The following ATG4C variants were observed in gnomAD, a reference collection of about 807,000 sequenced individuals.
ATG4C encodes the protein autophagy related 4C cysteine peptidase, also known as cysteine protease ATG4C.
A neutral mutation model predicts 57.6 loss-of-function variants in ATG4C; 56 were observed. The observed-to-expected ratio is 0.97, with a 90% CI of 0.78 to 1.21. The LOEUF (loss-of-function observed/expected upper bound fraction) is 1.21, where lower values mean the gene tolerates loss of function less well. Ranked by LOEUF, ATG4C falls within the 50% of genes most tolerant of loss-of-function variation. The pLI is 0.00. For missense variants in ATG4C, 595 were observed against 529.8 expected, an observed-to-expected ratio of 1.12 and a Z score of -1.21; for synonymous variants, 157 against 174.1, an observed-to-expected ratio of 0.90 and a Z score of 0.78.
At position 62,816,557 on chromosome 1, in the gene ATG4C, CG is replaced by C. The variant is rs771139565; in HGVS notation, c.161-17del. 20 of 1,558,460 alleles carry C rather than the reference CG, an allele frequency of 1.3e-5. No individual in the cohort carries two copies. Among genetic ancestry groups the C allele is most frequent in the Non-Finnish European group, 1.7e-5 (20 of 1,143,286 alleles). Reference sequence around the variant, plus strand: ...GACATTTCTCTGGTTATCTTTAGACCGTATGTTTATTTTTTAGATGAAGATA... The same window carrying C: ...GACATTTCTCTGGTTATCTTTAGACCTATGTTTATTTTTTAGATGAAGATA... On this transcript the variant is annotated splice_polypyrimidine_tract_variant and intron_variant, in intron 3 of 10. Transcript: ENST00000317868.
intron 1 of ATG4C, among the ~76,000 whole-genome samples, chr1:62,787,253 G>A (rs1557952583): frequency 6.6e-6 from 1 of 151,800 alleles, no homozygotes. Flanking sequence ...GGTTTTTTTG[G>A]TATCATTTTT....
chr1:62,810,440 A>G (rs1435616248), intron 3 of ATG4C, among the ~76,000 whole-genome samples: 1 of 152,182 alleles, frequency 6.6e-6, no homozygotes, highest in Non-Finnish European at 1.5e-5. Context: ...CTCATTTAAG[A>G]TATTTTAATG....
rs150686434 is a variant in ATG4C at position 62,821,147 on chromosome 1, T to C, written c.734T>C (p.Val245Ala). The C allele has an allele frequency of 6.3e-7, 1 of 1,599,726 alleles. No homozygotes were observed. The highest frequency in any genetic ancestry group is 8.5e-7 in the Non-Finnish European group (1 of 1,174,584). The change falls in exon 6 of 11, where the codon GTT (valine) becomes GCT (alanine). Residue 245 changes from valine to alanine, a missense_variant. Transcript: ENST00000317868. The part of the protein sequence containing the change: ...AVVAHILRKA[V>A]EEARHPDLQG... ...GCTTGTTATTTTCTCAGAAAAGCAG[T>C]TGAAGAAGCAAGGCATCCTGATTTA...
In ATG4C at chr1:62,816,606, A is replaced by G. The variant is rs200039871; in HGVS notation, c.192A>G (p.Gly64=). Residue 64 remains glycine, a synonymous_variant, in exon 4 of 11, where the codon GGA becomes GGG. Transcript: ENST00000317868. The stretch of plus-strand genomic sequence containing the variant: ...ATAAAACGTTACCTGCAGAGTCGGG[A>G]TGTACAATAGAGGATCACGTAATTG... ...DEDKTLPAES[G]CTIEDHVIAG... 6.8e-6 allele frequency: 11 copies of G among 1,613,060 alleles called. No homozygotes were observed. Among genetic ancestry groups the G allele is most frequent in the Non-Finnish European group, 8.5e-6 (10 of 1,179,518 alleles).
intron 10 of ATG4C, among the ~76,000 whole-genome samples, chr1:62,856,646 T>G (rs1252354338): frequency 6.6e-6 from 1 of 152,190 alleles, no homozygotes; most frequent in Non-Finnish European, 1.5e-5. Context: ...CAGTGCATGT[T>G]TGTGATCCTT....
At position 62,799,015 on chromosome 1, in the gene ATG4C, T is replaced by G. The variant is rs1220230911; in HGVS notation, c.-68-4704T>G. On this transcript the variant is annotated intron_variant, in intron 1 of 10. Coordinates refer to ENST00000317868, the MANE Select transcript of ATG4C (RefSeq NM_032852.4). ...GTGCAGTAGCACAATCATCGCTTAC[T>G]GCAGCCAGCTCAAGTGATCCCCCAA... Among the ~76,000 whole-genome samples, 4 of 152,286 alleles carry G rather than the reference T, an allele frequency of 2.6e-5. No homozygotes were observed. In the South Asian group the frequency reaches 6.2e-4, roughly 24 times the overall value.
At chr1:62,802,332 T>C (rs916301057) in intron 1 of ATG4C, among the ~76,000 whole-genome samples, 4 of 152,118 alleles carry the variant, frequency 2.6e-5, no homozygotes, top group African/African-American at 9.7e-5. Flanking sequence ...AAATCAGAAA[T>C]CTGAAATTTT....
intron 1 of ATG4C, among the ~76,000 whole-genome samples, chr1:62,791,928 T>C (rs974936025): frequency 3.3e-5 from 5 of 152,200 alleles, no homozygotes; most frequent in African/African-American, 1.2e-4. Flanking sequence ...CTCTGGTATG[T>C]GGGCATATAC....
intron 3 of ATG4C, among the ~76,000 whole-genome samples, chr1:62,811,125 C>G (rs1665070652): frequency 6.6e-6 from 1 of 152,178 alleles, no homozygotes; most frequent in African/African-American, 2.4e-5. Flanking sequence ...AGTCTAAGTG[C>G]TTAGAAGGTA....
chr1:62,811,614 A>AG (rs2100306281), intron 3 of ATG4C, among the ~76,000 whole-genome samples: 2 of 152,294 alleles, frequency 1.3e-5, no homozygotes, highest in South Asian at 4.1e-4. Context: ...GCATTTTTTC[A>AG]GGGTTTCTCT....
chr1:62,846,176 C>T (rs932530532), intron 10 of ATG4C, among the ~76,000 whole-genome samples: 2 of 152,188 alleles, frequency 1.3e-5, no homozygotes, highest in Admixed American at 1.3e-4. Context: ...TTGCCAAGTC[C>T]ATTGGTCGAA....
intron 7 of ATG4C, among the ~76,000 whole-genome samples, chr1:62,832,183 TGC>T (rs1665863057): frequency 1.0e-5 from 1 of 97,590 alleles, no homozygotes; most frequent in Admixed American, 1.2e-4. Flanking sequence ...TAACCTGATA[TGC>T]TTTCTCTGTT....
intron 10 of ATG4C, among the ~76,000 whole-genome samples, chr1:62,855,387 T>C (rs1192394205): frequency 6.6e-6 from 1 of 152,224 alleles, no homozygotes; most frequent in Admixed American, 6.5e-5. Flanking sequence ...CTCAATTTAA[T>C]GATTATTAAA....
At chr1:62,841,152 G>T (rs1431581554) in intron 9 of ATG4C, among the ~76,000 whole-genome samples, 1 of 152,126 alleles carries the variant, frequency 6.6e-6, no homozygotes, top group East Asian at 1.9e-4. Flanking sequence ...TGTTAGAAAT[G>T]CATACCACTT....
intron 6 of ATG4C, among the ~76,000 whole-genome samples, chr1:62,827,833 G>T (rs1174231008): frequency 6.6e-6 from 1 of 151,866 alleles, no homozygotes; most frequent in South Asian, 2.1e-4. Context: ...AAGTAGACCC[G>T]AGTGTCTGTT....
chr1:62,819,745 G>A (rs192473727), intron 5 of ATG4C, among the ~76,000 whole-genome samples: 200 of 151,634 alleles, frequency 1.3e-3, no homozygotes, highest in African/African-American at 4.5e-3. Flanking sequence ...TGATATTTTC[G>A]GCATTTCTTT....
intron 1 of ATG4C, among the ~76,000 whole-genome samples, chr1:62,799,870 C>CT (rs1165719281): frequency 6.9e-6 from 1 of 145,730 alleles, no homozygotes; most frequent in Non-Finnish European, 1.5e-5. Context: ...TTCATTCTTT[C>CT]TATTTTTTTT....
chr1:62,804,071 G>C (rs1487246429), intron 2 of ATG4C, among the ~76,000 whole-genome samples: 6 of 150,450 alleles, frequency 4.0e-5, no homozygotes, highest in Admixed American at 3.3e-4. Flanking sequence ...TCAAGCATAC[G>C]ATGTGGTCTC....
intron 3 of ATG4C, among the ~76,000 whole-genome samples, chr1:62,814,081 A>C (rs887830003): frequency 1.4e-4 from 21 of 152,034 alleles, no homozygotes; most frequent in Non-Finnish European, 2.6e-4. Context: ...TTGACCCAGC[A>C]CTCCTATTAC....
Sources: gnomAD v4.1 joint callset for allele counts (sites outside exome capture counted in the v4.1 genomes callset) on GRCh38, gnomAD v4.1.1 for gene constraint, MANE v1.5 for transcripts, NCBI Gene and HGNC (gene_info 2026-07-23, HGNC 2026-07-21) for gene names.